The following FCAMR variants were observed in gnomAD, a reference collection of about 807,000 sequenced individuals.
The protein encoded by FCAMR is high affinity immunoglobulin alpha and immunoglobulin mu Fc receptor.
In FCAMR, 51 loss-of-function variants were observed where a neutral mutation model predicts 52.2. That is an observed-to-expected ratio of 0.98 (90% CI 0.78 to 1.23). The LOEUF (loss-of-function observed/expected upper bound fraction) is 1.23. Among genes scored for constraint, FCAMR ranks in the 50% most tolerant of loss-of-function variants. The probability of loss-of-function intolerance (pLI) is 0.00; values close to 1 mark genes in which losing one functional copy is unlikely to be tolerated. For synonymous variants in FCAMR, 282 were observed against 262.0 expected, an observed-to-expected ratio of 1.08 and a Z score of -0.74; for missense variants, 719 against 712.6, an observed-to-expected ratio of 1.01 and a Z score of -0.10.
Position 206,959,795 on chromosome 1 carries a change from G to C in FCAMR, c.1457C>G (p.Thr486Ser). The C allele has an allele frequency of 6.2e-7, 1 of 1,612,482 alleles. No individual in the cohort carries two copies. Among genetic ancestry groups the C allele is most frequent in the South Asian group, 1.1e-5 (1 of 91,048 alleles). ...PPGKESSVKR[T>S]FPEDESSSRT... Reference sequence around the variant, plus strand: ...AGAGCTGCTTTCATCTTCTGGAAAAGTACTACAGTGGGGGTGGAAAGAGCA... The same window carrying C: ...AGAGCTGCTTTCATCTTCTGGAAAACTACTACAGTGGGGGTGGAAAGAGCA... Residue 486 changes from threonine to serine, a missense_variant and splice_region_variant, in exon 7 of 8, where the codon ACT becomes AGT. Thr to Ser is a moderately conservative substitution (Grantham distance 58). Transcript: ENST00000324852.
At chr1:206,962,974 A>T (rs1486905458) in intron 4 of FCAMR, among the ~76,000 whole-genome samples, 1 of 152,218 alleles carries the variant, frequency 6.6e-6, no homozygotes, top group African/African-American at 2.4e-5. Flanking sequence ...GATAACATTA[A>T]ATGGTAATCT....
intron 7 of FCAMR, chr1:206,958,934 G>A: frequency 1.6e-6 from 1 of 622,176 alleles, no homozygotes; most frequent in South Asian, 1.5e-5. Context: ...ATATCACAGA[G>A]CCCTCACTTT....
chr1:206,959,686 C>G lies in FCAMR; in HGVS notation c.1566G>C (p.Arg522Ser). 1 of 1,613,806 alleles carries G rather than the reference C, an allele frequency of 6.2e-7. No homozygotes were observed. Among genetic ancestry groups the G allele is most frequent in the Non-Finnish European group, 8.5e-7 (1 of 1,179,760 alleles). The change falls in exon 7 of 8, where the codon AGG becomes AGC. Residue 522 changes from arginine (R) to serine (S), a missense_variant. Coordinates refer to ENST00000324852, the MANE Select transcript of FCAMR (RefSeq NM_001170631.2). ...LVLLQRKLWR[R>S]RTSQEAERVT... ...TGGGGCTACTCAACTCACAGGTCCT[C>G]CTTCTCCAGAGCTTCCTTTGCAATA...
rs182624638 is a variant in FCAMR, at chr1:206,965,360, A to G, written c.313+355T>C. ...ATAATTTTTTATTAATACCAAAGTT[A>G]AGAACCAATACCTTAAGGATTCATT... is the stretch of plus-strand genomic sequence containing the variant. On this transcript the variant is annotated intron_variant, in intron 4 of 7. Coordinates refer to ENST00000324852, the MANE Select transcript of FCAMR (RefSeq NM_001170631.2). Among the ~76,000 whole-genome samples, 109 of 152,350 alleles carry G rather than the reference A, an allele frequency of 7.2e-4. 1 individual carries two copies. Among genetic ancestry groups the G allele is most frequent in the Non-Finnish European group, 4.0e-4 (27 of 68,022 alleles).
rs1487284459 is a variant in FCAMR, at chr1:206,960,521, A to C, written c.1355T>G (p.Leu452Arg). The C allele has an allele frequency of 2.6e-6, 4 of 1,551,620 alleles. No individual in the cohort carries two copies. The highest frequency in any genetic ancestry group is 3.5e-6 in the Non-Finnish European group (4 of 1,146,960). Reference protein sequence around the residue: ...ASGEGSAAGDLDAATGDRGPQ... With the variant: ...ASGEGSAAGDRDAATGDRGPQ... ...ACCTCTGTCTCCAGTGGCAGCATCT[A>C]GGTCCCCTGCAGCGCTTCCTTCCCC... The change falls in exon 6 of 8, where the codon CTA (leucine) becomes CGA (arginine). Residue 452 changes from leucine (L) to arginine (R), a missense_variant. By Grantham distance (102) the Leu-to-Arg change is moderately radical. Transcript: ENST00000324852.
rs1680892595 is a variant in FCAMR, at chr1:206,970,454, C to G, written c.-329G>C. 1 of 236,396 alleles carries G rather than the reference C, an allele frequency of 4.2e-6. No individual in the cohort carries two copies. 14.6% of individuals were successfully genotyped at this position (236,396 alleles called of 1,614,324 possible). On this transcript the variant is annotated 5_prime_UTR_variant, in exon 1 of 8. Coordinates refer to ENST00000324852, the MANE Select transcript of FCAMR (RefSeq NM_001170631.2). Reference sequence around the variant, plus strand: ...AAAACACTGATCCATATCCTTCCTCCTCTTGTGTCCCCTTCAGGGGTCTCA... The same window carrying G: ...AAAACACTGATCCATATCCTTCCTCGTCTTGTGTCCCCTTCAGGGGTCTCA...
chr1:206,967,545 T>G, intron 2 of FCAMR, 38 bp downstream of exon 2: 1 of 1,595,118 alleles, frequency 6.3e-7, no homozygotes, highest in African/African-American at 1.3e-5. Flanking sequence ...TTCAGGAGAA[T>G]GAAGGAATCT....
chr1:206,970,030 T>G (rs1572671325), intron 1 of FCAMR, 57 bp downstream of exon 1: 1 of 1,605,184 alleles, frequency 6.2e-7, no homozygotes, highest in Non-Finnish European at 8.5e-7. Context: ...ATGGCTGCAG[T>G]TCACCCCCCA....
At position 206,958,607 on chromosome 1, in the gene FCAMR, T is replaced by A. The variant is rs41305098; in HGVS notation, c.1643A>T (p.Gln548Leu). 6.2e-6 allele frequency: 10 copies of A among 1,613,982 alleles called. No homozygotes were observed. Among genetic ancestry groups the A allele is most frequent in the Non-Finnish European group, 8.5e-6 (10 of 1,180,028 alleles). ...CATCTTTCTTTCCACATGGGGCAGC[T>A]GGTCTGCTTGGGGGTTCACTTCCAG... is the stretch of plus-strand genomic sequence containing the variant. Reference protein sequence around the residue: ...HFLEVNPQADQLPHVERKMLQ... With the variant: ...HFLEVNPQADLLPHVERKMLQ... Residue 548 changes from glutamine (Q) to leucine (L), a missense_variant, in exon 8 of 8, where the codon CAG becomes CTG. Physicochemically the swap from Gln to Leu is moderately radical, Grantham distance 113. Transcript: ENST00000324852.
chr1:206,960,687 C>A lies in FCAMR; in HGVS notation c.1189G>T (p.Val397Phe). The change falls in exon 6 of 8, where the codon GTT becomes TTT. Residue 397 changes from valine (V) to phenylalanine (F), a missense_variant. Coordinates refer to ENST00000324852, the MANE Select transcript of FCAMR (RefSeq NM_001170631.2). ...AWEILPQATPVSKQQSQGSIG... is the reference protein window; with the variant it reads ...AWEILPQATPFSKQQSQGSIG... ...GAACCCTGAGATTGTTGCTTAGAAA[C>A]TGGCGTTGCTTGTGGGAGGATTTCC... 1.3e-6 allele frequency: 2 copies of A among 1,552,208 alleles called. No individual in the cohort carries two copies. The highest frequency in any genetic ancestry group is 2.4e-5 in the South Asian group (2 of 84,066).
At position 206,962,509 on chromosome 1, in the gene FCAMR, G is replaced by A. The variant is rs370685674; in HGVS notation, c.356C>T (p.Pro119Leu). The stretch of plus-strand genomic sequence containing the variant: ...GCACTGGATGGTGACAGCTCCTCCA[G>A]GCTCCCCTGACACCAGCCTTGAGCC... ...LKGSRLVSGE[P>L]GGAVTIQCHY... The change falls in exon 5 of 8, where the codon CCT becomes CTT. Residue 119 changes from proline (P) to leucine (L), a missense_variant. Pro to Leu is a moderately conservative substitution (Grantham distance 98). Coordinates refer to ENST00000324852, the MANE Select transcript of FCAMR (RefSeq NM_001170631.2). 5.6e-6 allele frequency: 9 copies of A among 1,600,668 alleles called. No individual in the cohort carries two copies. The highest frequency in any genetic ancestry group is 7.7e-6 in the Non-Finnish European group (9 of 1,170,276).
At chr1:206,964,350 G>A (rs1680624379) in intron 4 of FCAMR, among the ~76,000 whole-genome samples, 1 of 152,030 alleles carries the variant, frequency 6.6e-6, no homozygotes, top group Non-Finnish European at 1.5e-5. Context: ...CCTTTAGGAT[G>A]TCTGAACCCC....
chr1:206,961,005 C>A lies in FCAMR; in HGVS notation c.871G>T (p.Ala291Ser), dbSNP rs1395449006. 6.4e-7 allele frequency: 1 copy of A among 1,551,928 alleles called. No individual in the cohort carries two copies. The highest frequency in any genetic ancestry group is 2.0e-5 in the Admixed American group (1 of 51,012). Residue 291 changes from alanine (A) to serine (S), a missense_variant, in exon 6 of 8, where the codon GCT becomes TCT. Ala to Ser is a moderately conservative substitution (Grantham distance 99, BLOSUM62 1). Coordinates refer to ENST00000324852, the MANE Select transcript of FCAMR (RefSeq NM_001170631.2). Reference protein sequence around the residue: ...RRTPGATRPAAPGTGSWAEGS... With the variant: ...RRTPGATRPASPGTGSWAEGS... ...TCTGCCCAGCTGCCTGTCCCTGGAG[C>A]TGCTGGCCTGGTTGCTCCTGGGGTT... is the stretch of plus-strand genomic sequence containing the variant.
At chr1:206,968,262 C>A (rs1680792933) in intron 1 of FCAMR, among the ~76,000 whole-genome samples, 1 of 152,166 alleles carries the variant, frequency 6.6e-6, no homozygotes, top group Admixed American at 6.5e-5. Flanking sequence ...TTGCTTGAAC[C>A]CAGAAGGCAG....
At chr1:206,969,017 T>A (rs1680826205) in intron 1 of FCAMR, among the ~76,000 whole-genome samples, 1 of 152,192 alleles carries the variant, frequency 6.6e-6, no homozygotes, top group South Asian at 2.1e-4. Context: ...GCGATGGCAG[T>A]CTCAGACCTT....
chr1:206,960,796 C>T lies in FCAMR; in HGVS notation c.1080G>A (p.Glu360=), dbSNP rs1357641267. ...TKADRPREDI[E]GVRIALDAAK... ...CTGCATCAAGAGCTATCCTGACCCCCTCTATGTCCTCCCTTGGCCTATCAG... is the reference window on the plus strand; with the variant it reads ...CTGCATCAAGAGCTATCCTGACCCCTTCTATGTCCTCCCTTGGCCTATCAG... Residue 360 remains glutamate (E), a synonymous_variant, in exon 6 of 8, where the codon GAG becomes GAA. Transcript: ENST00000324852. 6 of 1,552,296 alleles carry T rather than the reference C, an allele frequency of 3.9e-6. No homozygotes were observed. Among genetic ancestry groups the T allele is most frequent in the Admixed American group, 3.9e-5 (2 of 50,986 alleles).
chr1:206,963,783 G>C lies in FCAMR; in HGVS notation c.314-1232C>G, dbSNP rs752785420. The stretch of plus-strand genomic sequence containing the variant: ...TCTGCCCTTGGTGCTTTCTGGGCAT[G>C]GCAGATGACCAAGGCTGCCTCTTTT... On this transcript the variant is annotated intron_variant, in intron 4 of 7. Transcript: ENST00000324852. Among the ~76,000 whole-genome samples the C allele has an allele frequency of 8.3e-4, 127 of 152,190 alleles. 1 individual carries two copies. The highest frequency in any genetic ancestry group is 1.4e-3 in the South Asian group (7 of 4,828).
chr1:206,967,665 G>C lies in FCAMR; in HGVS notation c.40-14C>G. ...CCTCACCACTTCCTGTTTGCAGAAGGGGAATTGGTTTTTTCAAGGGAAGAT... is the reference window on the plus strand; with the variant it reads ...CCTCACCACTTCCTGTTTGCAGAAGCGGAATTGGTTTTTTCAAGGGAAGAT... On this transcript the variant is annotated splice_polypyrimidine_tract_variant and intron_variant, in intron 1 of 7. Transcript: ENST00000324852. 1 of 1,613,702 alleles carries C rather than the reference G, an allele frequency of 6.2e-7. No individual in the cohort carries two copies. Among genetic ancestry groups the C allele is most frequent in the Non-Finnish European group, 8.5e-7 (1 of 1,179,676 alleles).
intron 2 of FCAMR, 21 bp downstream of exon 2, chr1:206,967,562 G>T: frequency 6.2e-7 from 1 of 1,612,396 alleles, no homozygotes; most frequent in Non-Finnish European, 8.5e-7. Context: ...ATCTGCAAGG[G>T]GTTGTTGTTA....
Sources: gnomAD v4.1 joint callset for allele counts (sites outside exome capture counted in the v4.1 genomes callset) on GRCh38, gnomAD v4.1.1 for gene constraint, MANE v1.5 for transcripts, NCBI Gene and HGNC (gene_info 2026-07-23, HGNC 2026-07-21) for gene names.